The following C10orf67 variants were observed in gnomAD, a reference collection of about 807,000 sequenced individuals.
The protein encoded by C10orf67 is uncharacterized protein C10orf67, mitochondrial.
Under a neutral mutation model 35.6 loss-of-function variants are expected in C10orf67, and 60 were observed. That is an observed-to-expected ratio of 1.68 (90% CI 1.37 to 2.09). The LOEUF is 2.09. C10orf67 is among the 30% of genes most tolerant of loss of function. C10orf67 has a pLI of 0.00. For missense variants in C10orf67, 474 were observed against 330.2 expected, an observed-to-expected ratio of 1.44 and a Z score of -3.38; for synonymous variants, 167 against 115.8, an observed-to-expected ratio of 1.44 and a Z score of -2.84.
chr10:23,326,699 C>T (rs527902916), intron 2 of C10orf67, among the ~76,000 whole-genome samples: 1 of 152,070 alleles, frequency 6.6e-6, no homozygotes, highest in South Asian at 2.1e-4. Context: ...TGATACTCAG[C>T]ATAAAAGATG....
chr10:23,268,287 C>G (rs971134646), intron 8 of C10orf67, among the ~76,000 whole-genome samples: 1 of 151,918 alleles, frequency 6.6e-6, no homozygotes, highest in Non-Finnish European at 1.5e-5. Flanking sequence ...AGAGTGAGAC[C>G]CTGACTTCAG....
At chr10:23,314,704 C>G (rs1844631721) in intron 4 of C10orf67, among the ~76,000 whole-genome samples, 1 of 151,992 alleles carries the variant, frequency 6.6e-6, no homozygotes. Context: ...TTTTTTTCAG[C>G]TATAGGACTA....
At chr10:23,285,336 AG>A (rs1843498810) in intron 7 of C10orf67, among the ~76,000 whole-genome samples, 1 of 150,160 alleles carries the variant, frequency 6.7e-6, no homozygotes. Context: ...CAAGCAGATT[AG>A]GACTCTGCTA....
At chr10:23,270,093 G>A (rs2132207560) in intron 8 of C10orf67, among the ~76,000 whole-genome samples, 1 of 152,268 alleles carries the variant, frequency 6.6e-6, no homozygotes, top group East Asian at 1.9e-4. Context: ...GGGGCCAAGA[G>A]CCAATTAGAA....
At chr10:23,252,440 G>T (rs137921352) in intron 10 of C10orf67, among the ~76,000 whole-genome samples, 15 of 152,270 alleles carry the variant, frequency 9.9e-5, no homozygotes, top group African/African-American at 3.6e-4. Context: ...AACTGTTTCA[G>T]GCAGGGCCAA....
At chr10:23,272,028 C>G (rs1843040658) in intron 8 of C10orf67, among the ~76,000 whole-genome samples, 1 of 152,096 alleles carries the variant, frequency 6.6e-6, no homozygotes, top group African/African-American at 2.4e-5. Flanking sequence ...GTGATCCACC[C>G]ACCTCAGCCT....
intron 8 of C10orf67, among the ~76,000 whole-genome samples, chr10:23,276,172 A>G (rs1843181419): frequency 6.6e-6 from 1 of 152,142 alleles, no homozygotes; most frequent in South Asian, 2.1e-4. Context: ...CAATGCTTTA[A>G]CCACTGAGTG....
At chr10:23,279,499 A>G (rs1445523634) in intron 8 of C10orf67, among the ~76,000 whole-genome samples, 2 of 152,250 alleles carry the variant, frequency 1.3e-5, no homozygotes, top group Non-Finnish European at 2.9e-5. Flanking sequence ...ATGGTAACTC[A>G]GTGCTGTGCC....
At chr10:23,310,684 C>T (rs1344227517) in intron 4 of C10orf67, among the ~76,000 whole-genome samples, 1 of 152,234 alleles carries the variant, frequency 6.6e-6, no homozygotes, top group Non-Finnish European at 1.5e-5. Context: ...CATACCAGTC[C>T]TCACATTCCT....
intron 8 of C10orf67, among the ~76,000 whole-genome samples, chr10:23,267,459 T>C (rs1409487795): frequency 1.3e-5 from 2 of 152,194 alleles, no homozygotes; most frequent in Non-Finnish European, 2.9e-5. Context: ...TGAACAGGAA[T>C]ATATAACATT....
chr10:23,269,183 T>G (rs545693056), intron 8 of C10orf67, among the ~76,000 whole-genome samples: 2 of 152,266 alleles, frequency 1.3e-5, no homozygotes, highest in South Asian at 4.1e-4. Context: ...TTCAAACACA[T>G]AGGGTTGTTT....
chr10:23,246,285 C>T (rs1306913743), intron 12 of C10orf67, among the ~76,000 whole-genome samples: 2 of 152,106 alleles, frequency 1.3e-5, no homozygotes, highest in African/African-American at 2.4e-5. Context: ...ATTATCTGTA[C>T]ACCAAACCCC....
chr10:23,297,871 G>A (rs935387394), intron 5 of C10orf67, among the ~76,000 whole-genome samples: 19 of 152,248 alleles, frequency 1.2e-4, no homozygotes, highest in South Asian at 2.1e-4. Context: ...CATTCACATC[G>A]TAAGATATCC....
At chr10:23,289,769 T>C (rs982190518) in intron 7 of C10orf67, 131 bp downstream of exon 7, 1 of 590,408 alleles carries the variant, frequency 1.7e-6, no homozygotes, top group Admixed American at 3.1e-5. Context: ...TCCCAAATAG[T>C]GGGGAGAGAT....
chr10:23,270,167 A>G (rs1842978256), intron 8 of C10orf67, among the ~76,000 whole-genome samples: 1 of 152,288 alleles, frequency 6.6e-6, no homozygotes, highest in Non-Finnish European at 1.5e-5. Context: ...AGCACCTTCA[A>G]CTGAAATATC....
rs142358778 is a variant in C10orf67 at position 23,289,010 on chromosome 10, A to C, written c.909+890T>G. Among the ~76,000 whole-genome samples the C allele has an allele frequency of 5.9e-3, 906 of 152,328 alleles. 3 individuals are homozygous for C. The highest frequency in any genetic ancestry group is 9.1e-3 in the Non-Finnish European group (618 of 68,042). On this transcript the variant is annotated intron_variant, in intron 7 of 15. Coordinates refer to ENST00000636213, the MANE Select transcript of C10orf67 (RefSeq NM_001371909.1). The stretch of plus-strand genomic sequence containing the variant: ...TAGGGCAGGGAAGATAGACCATAAC[A>C]GAATGGTAACTGAGAGCCACAATAG...
At chr10:23,301,493 C>T (rs982202947) in intron 5 of C10orf67, among the ~76,000 whole-genome samples, 5 of 152,234 alleles carry the variant, frequency 3.3e-5, no homozygotes, top group African/African-American at 4.8e-5. Context: ...CAATATTACT[C>T]ATCGCTTTGG....
At chr10:23,205,359 C>T (rs1841128733) in intron 15 of C10orf67, among the ~76,000 whole-genome samples, 2 of 152,288 alleles carry the variant, frequency 1.3e-5, no homozygotes, top group Admixed American at 1.3e-4. Context: ...CCCAGAAACT[C>T]CAGGAGGCTG....
intron 13 of C10orf67, among the ~76,000 whole-genome samples, chr10:23,238,727 A>T (rs1842106280): frequency 6.6e-6 from 1 of 152,202 alleles, no homozygotes; most frequent in Non-Finnish European, 1.5e-5. Context: ...AATGAGAATT[A>T]CTCCAACTAA....
Sources: allele counts gnomAD v4.1 joint callset (sites outside exome capture counted in the v4.1 genomes callset), GRCh38; gene constraint gnomAD v4.1.1; transcripts MANE v1.5; gene names NCBI Gene and HGNC (gene_info 2026-07-23, HGNC 2026-07-21).